The following FAT3 variants were observed in gnomAD, a reference collection of about 807,000 sequenced individuals.
FAT3 encodes protocadherin Fat 3.
A neutral mutation model predicts 310.2 loss-of-function variants in FAT3; 95 were observed. The observed-to-expected ratio is 0.31, with a 90% CI of 0.26 to 0.36. FAT3 has a LOEUF of 0.36. Ranked by LOEUF, FAT3 falls within the 10% of genes least tolerant of loss-of-function variation. FAT3 has a pLI of 1.00. For synonymous variants in FAT3, 2,314 were observed against 2,192.9 expected, an observed-to-expected ratio of 1.06 and a Z score of -1.54; for missense variants, 5,408 against 5,715.6, an observed-to-expected ratio of 0.95 and a Z score of 1.74.
At chr11:92,621,094 G>A (rs964084297) in intron 3 of FAT3, among the ~76,000 whole-genome samples, 6 of 152,006 alleles carry the variant, frequency 3.9e-5, no homozygotes, top group African/African-American at 1.4e-4. Flanking sequence ...GGGTTGGGAG[G>A]GACACAAACA....
chr11:92,667,415 C>T (rs1792358), intron 3 of FAT3, among the ~76,000 whole-genome samples: 43,130 of 151,894 alleles, frequency 0.28, 6,428 homozygotes, highest in Non-Finnish European at 0.33. Context: ...CAAAACACAA[C>T]GGAAACAAAA....
chr11:92,513,968 G>T (rs1179000948), intron 2 of FAT3, among the ~76,000 whole-genome samples: 1 of 152,238 alleles, frequency 6.6e-6, no homozygotes, highest in African/African-American at 2.4e-5. Flanking sequence ...GGCATATGGG[G>T]ATATGGCTAG....
At chr11:92,325,851 C>T (rs35133044) in intron 1 of FAT3, among the ~76,000 whole-genome samples, 16,846 of 152,180 alleles carry the variant, frequency 0.11, 988 homozygotes, top group South Asian at 0.16. Flanking sequence ...AGCATGGTCT[C>T]GATCTCTTGA....
chr11:92,610,247 C>T (rs1211691053), intron 3 of FAT3, among the ~76,000 whole-genome samples: 4 of 152,032 alleles, frequency 2.6e-5, no homozygotes, highest in Admixed American at 1.3e-4. Flanking sequence ...AGCATCTAGC[C>T]GATGTATAGC....
At chr11:92,594,980 T>C (rs975138169) in intron 3 of FAT3, among the ~76,000 whole-genome samples, 3 of 147,508 alleles carry the variant, frequency 2.0e-5, no homozygotes, top group Admixed American at 1.4e-4. Context: ...TATGAATACA[T>C]ATAGACTCAT....
At chr11:92,250,779 C>T (rs936090353) in intron 1 of FAT3, among the ~76,000 whole-genome samples, 5 of 152,046 alleles carry the variant, frequency 3.3e-5, no homozygotes, top group African/African-American at 1.2e-4. Flanking sequence ...AACCAATTTC[C>T]ACTTCATTGC....
At chr11:92,263,944 G>A (rs1168778117) in intron 1 of FAT3, among the ~76,000 whole-genome samples, 1 of 152,054 alleles carries the variant, frequency 6.6e-6, no homozygotes, top group African/African-American at 2.4e-5. Context: ...CGCTAGTGAG[G>A]CAGTGCTCTG....
Position 92,800,434 on chromosome 11 carries a change from G to A in FAT3, c.7421G>A (p.Gly2474Glu), listed in dbSNP as rs1408229400. Residue 2474 changes from glycine (G) to glutamate (E), a missense_variant, in exon 10 of 28, where the codon GGG (glycine) becomes GAG (glutamate). Gly to Glu is a moderately conservative substitution (Grantham distance 98). This residue lies in a region of FAT3 where 4,588 missense variants were observed against 4,809.8 expected (regional missense o/e 0.95). Coordinates refer to ENST00000525166, the MANE Select transcript of FAT3 (RefSeq NM_001367949.2). ...AGTCTCAATGTGTCTGTCTCTGATGGGTTGTTCACCAGCACTGCACAGGTG... is the reference window on the plus strand; with the variant it reads ...AGTCTCAATGTGTCTGTCTCTGATGAGTTGTTCACCAGCACTGCACAGGTG... The part of the protein sequence containing the change: ...LYSLNVSVSD[G>E]LFTSTAQVHI... The A allele has an allele frequency of 6.2e-7, 1 of 1,613,864 alleles. No individual in the cohort carries two copies. The highest frequency in any genetic ancestry group is 2.2e-5 in the East Asian group (1 of 44,878).
chr11:92,856,010 T>C (rs3847546), intron 19 of FAT3, among the ~76,000 whole-genome samples: 55,757 of 146,112 alleles, frequency 0.38, 10,833 homozygotes, highest in East Asian at 0.46. Context: ...AGACAGGGTC[T>C]TGTTCTGTTG....
At chr11:92,853,420 G>C (rs1948885369) in intron 19 of FAT3, among the ~76,000 whole-genome samples, 1 of 152,198 alleles carries the variant, frequency 6.6e-6, no homozygotes. Flanking sequence ...CCCTGACTTG[G>C]GGATCCCCTA....
chr11:92,855,895 C>G (rs551705057), intron 19 of FAT3, among the ~76,000 whole-genome samples: 2 of 151,646 alleles, frequency 1.3e-5, no homozygotes, highest in South Asian at 2.1e-4. Context: ...TCAAGGATTA[C>G]AGATTTTTTA....
chr11:92,233,350 C>A (rs1864270848), intron 1 of FAT3, among the ~76,000 whole-genome samples: 1 of 152,282 alleles, frequency 6.6e-6, no homozygotes, highest in South Asian at 2.1e-4. Context: ...GTAGACATAG[C>A]AGATCATTCA....
At chr11:92,346,553 T>A (rs1948427611) in intron 1 of FAT3, among the ~76,000 whole-genome samples, 1 of 152,198 alleles carries the variant, frequency 6.6e-6, no homozygotes, top group African/African-American at 2.4e-5. Context: ...ACCTCAGTTT[T>A]ACTCGTTTTT....
intron 3 of FAT3, among the ~76,000 whole-genome samples, chr11:92,607,566 ATTG>A (rs1461672721): frequency 6.6e-6 from 1 of 152,322 alleles, no homozygotes. Context: ...TGAAGGGATA[ATTG>A]TTGTTTTGCT....
chr11:92,480,899 A>G (rs1241949596), intron 2 of FAT3, among the ~76,000 whole-genome samples: 1 of 152,218 alleles, frequency 6.6e-6, no homozygotes, highest in Non-Finnish European at 1.5e-5. Context: ...GGGGGTGCCC[A>G]GCAAACGTTT....
At chr11:92,441,216 T>C (rs1951056932) in intron 2 of FAT3, among the ~76,000 whole-genome samples, 1 of 152,252 alleles carries the variant, frequency 6.6e-6, no homozygotes. Flanking sequence ...TGTCTGCTCC[T>C]GTTTCTCCAC....
chr11:92,638,347 G>C (rs1296951711), intron 3 of FAT3, among the ~76,000 whole-genome samples: 1 of 152,188 alleles, frequency 6.6e-6, no homozygotes, highest in Non-Finnish European at 1.5e-5. Flanking sequence ...GGACCTTTGT[G>C]TCTTGGGCAT....
chr11:92,743,910 CA>C (rs1185893486), intron 4 of FAT3, among the ~76,000 whole-genome samples: 2 of 152,228 alleles, frequency 1.3e-5, no homozygotes, highest in African/African-American at 4.8e-5. Flanking sequence ...CACCACCTCA[CA>C]ACTCTCCAGA....
At chr11:92,754,853 C>T (rs1437495998) in intron 4 of FAT3, among the ~76,000 whole-genome samples, 3 of 151,326 alleles carry the variant, frequency 2.0e-5, no homozygotes, top group African/African-American at 4.9e-5. Context: ...GGCAACAGAG[C>T]GAGACTTGAT....
Sources: allele counts gnomAD v4.1 joint callset (sites outside exome capture counted in the v4.1 genomes callset), GRCh38; gene constraint gnomAD v4.1.1; regional missense constraint gnomAD v4.1.1; transcripts MANE v1.5; gene names NCBI Gene and HGNC (gene_info 2026-07-23, HGNC 2026-07-21).